The following CMTM4 variants were observed in gnomAD, a reference collection of about 807,000 sequenced individuals.
The protein encoded by CMTM4 is CKLF-like MARVEL transmembrane domain-containing protein 4.
CMTM4 carries 8 observed loss-of-function variants against 19.0 expected under a neutral mutation model. The ratio of observed to expected loss-of-function variants is 0.42; its 90% CI spans 0.25 to 0.76. CMTM4 has a LOEUF of 0.76. CMTM4 is among the 30% of genes least tolerant of loss of function. The pLI is 0.27. For synonymous variants in CMTM4, 106 were observed against 121.1 expected (o/e 0.88, Z 0.82); for missense variants, 228 against 290.2 (o/e 0.79, Z 1.56).
chr16:66,606,819 CCT>C, the CMTM4 span, among the ~76,000 whole-genome samples: 159 of 152,274 alleles, frequency 1.0e-3, no homozygotes, highest in African/African-American at 3.6e-3. Context: ...ATGGTGAAAC[CCT>C]GTCTCTACTA....
At chr16:66,598,428 T>C in the CMTM4 span, among the ~76,000 whole-genome samples, 3 of 152,140 alleles carry the variant, frequency 2.0e-5, no homozygotes, top group Admixed American at 2.0e-4. Context: ...CGGTACCCTT[T>C]TTGCAAATTG....
intron 1 of CMTM4, among the ~76,000 whole-genome samples, chr16:66,679,097 T>TAA (rs577591880): frequency 7.3e-6 from 1 of 136,644 alleles, no homozygotes; most frequent in Non-Finnish European, 1.6e-5. Context: ...AGACTCCATC[T>TAA]AAAAAAAAAA....
chr16:66,686,585 GAGAA>G (rs1345467336), intron 1 of CMTM4, among the ~76,000 whole-genome samples: 2 of 151,776 alleles, frequency 1.3e-5, no homozygotes, highest in South Asian at 2.1e-4. Context: ...CAAAGTTGTG[GAGAA>G]AGAATTAATT....
downstream of CMTM4, among the ~76,000 whole-genome samples, chr16:66,611,590 C>T (rs529536339): frequency 6.6e-6 from 1 of 152,196 alleles, no homozygotes; most frequent in South Asian, 2.1e-4. Context: ...AGCGACAGCT[C>T]ATGGGGACTG....
chr16:66,685,927 G>T (rs530293037), intron 1 of CMTM4, among the ~76,000 whole-genome samples: 2 of 152,286 alleles, frequency 1.3e-5, no homozygotes, highest in East Asian at 3.9e-4. Flanking sequence ...TTACAGGCAT[G>T]AGCCACTGCG....
intron 1 of CMTM4, among the ~76,000 whole-genome samples, chr16:66,645,514 T>C (rs1193584563): frequency 6.6e-6 from 1 of 151,264 alleles, no homozygotes; most frequent in Non-Finnish European, 1.5e-5. Flanking sequence ...GAGGCAGAGG[T>C]TGCAGTGAGC....
At chr16:66,685,242 T>C (rs908077153) in intron 1 of CMTM4, among the ~76,000 whole-genome samples, 4 of 152,198 alleles carry the variant, frequency 2.6e-5, no homozygotes, top group Non-Finnish European at 5.9e-5. Context: ...TATTCTCTAA[T>C]AAGTAACTTT....
chr16:66,673,814 G>A (rs2016756304), intron 1 of CMTM4, among the ~76,000 whole-genome samples: 1 of 152,240 alleles, frequency 6.6e-6, no homozygotes, highest in Non-Finnish European at 1.5e-5. Flanking sequence ...TCCTTTGCAT[G>A]TTTGCAACTT....
chr16:66,626,160 C>T (rs191548997), intron 2 of CMTM4, among the ~76,000 whole-genome samples: 11 of 152,332 alleles, frequency 7.2e-5, no homozygotes, highest in Admixed American at 7.2e-4. Flanking sequence ...GGAGGCCAGG[C>T]ACAGCAGCTC....
chr16:66,683,299 T>TC (rs1396638797), intron 1 of CMTM4, among the ~76,000 whole-genome samples: 1 of 127,696 alleles, frequency 7.8e-6, no homozygotes, highest in Non-Finnish European at 1.7e-5. Flanking sequence ...TTTTTTTTTT[T>TC]TTTTTTTTTT....
the CMTM4 span, among the ~76,000 whole-genome samples, chr16:66,598,944 G>C: frequency 6.6e-6 from 1 of 151,780 alleles, no homozygotes; most frequent in Non-Finnish European, 1.5e-5. Flanking sequence ...AGACCAGCCA[G>C]GGCAACATAT....
chr16:66,671,960 C>T (rs1596951939), intron 1 of CMTM4, among the ~76,000 whole-genome samples: 1 of 151,940 alleles, frequency 6.6e-6, no homozygotes, highest in African/African-American at 2.4e-5. Context: ...CCCGGCAGGT[C>T]GAGGATGTGG....
At chr16:66,612,825 C>T, downstream of CMTM4, 1 of 624,454 alleles carries the variant, frequency 1.6e-6, no homozygotes, top group South Asian at 1.9e-5. This position sits in a 1 kb window ranked among gnomAD's most constrained non-coding sequence, Gnocchi z 6.0. Context: ...CAGCTCAGCA[C>T]TGTTGACCAC....
intron 1 of CMTM4, among the ~76,000 whole-genome samples, chr16:66,679,511 G>A (rs955500533): frequency 1.6e-4 from 24 of 151,996 alleles, no homozygotes; most frequent in African/African-American, 5.3e-4. Context: ...AAACAGAAAC[G>A]GACCAAGTCA....
chr16:66,644,609 A>G (rs1001320739), intron 1 of CMTM4, among the ~76,000 whole-genome samples: 4 of 152,186 alleles, frequency 2.6e-5, no homozygotes, highest in Admixed American at 6.5e-5. Context: ...TTCCAAAATC[A>G]TGAGTCTTAA....
chr16:66,645,585 CAA>C (rs2016178956), intron 1 of CMTM4, among the ~76,000 whole-genome samples: 1 of 151,016 alleles, frequency 6.6e-6, no homozygotes, highest in Non-Finnish European at 1.5e-5. Context: ...AAACAAAAAA[CAA>C]AAAACTGTAA....
intron 1 of CMTM4, among the ~76,000 whole-genome samples, chr16:66,646,361 C>T (rs991672690): frequency 4.6e-5 from 7 of 151,990 alleles, no homozygotes; most frequent in African/African-American, 1.7e-4. Context: ...CATATTCATA[C>T]ATATATGTAT....
rs758898239 is a variant in CMTM4 at position 66,696,327 on chromosome 16, G to C, written c.186+13C>G. On this transcript the variant is annotated intron_variant, in intron 1 of 3. Transcript: ENST00000394106. This position sits in a 1 kb window ranked among gnomAD's most constrained non-coding sequence, Gnocchi z 4.3. ...GCCGCCCTCGGGCACCTGGGGCCCC[G>C]CCCGGCACCTACCACTTGGGCGACC... 5.8e-6 allele frequency: 8 copies of C among 1,375,726 alleles called. No individual in the cohort carries two copies. The highest frequency in any genetic ancestry group is 2.7e-4 in the Middle Eastern group (1 of 3,708). 85.2% of individuals were successfully genotyped at this position (1,375,726 alleles called of 1,614,324 possible). A position where few individuals can be genotyped will look rare whatever the true frequency, so the allele number is the denominator to read the frequency against.
At chr16:66,656,687 T>C (rs1033827230) in intron 1 of CMTM4, among the ~76,000 whole-genome samples, 2 of 150,854 alleles carry the variant, frequency 1.3e-5, no homozygotes, top group African/African-American at 4.9e-5. Flanking sequence ...CAGTGGAGAA[T>C]CTGGGCAGAC....
Sources: allele counts gnomAD v4.1 joint callset (sites outside exome capture counted in the v4.1 genomes callset), GRCh38; gene constraint gnomAD v4.1.1; non-coding constraint Gnocchi (gnomAD v3.1); transcripts MANE v1.5; gene names NCBI Gene and HGNC (gene_info 2026-07-23, HGNC 2026-07-21).